CLTC: variants seen among roughly 807,000 people sequenced by gnomAD.
The protein encoded by CLTC is clathrin heavy chain 1.
CLTC carries 16 observed loss-of-function variants against 195.8 expected under a neutral mutation model. The ratio of observed to expected loss-of-function variants is 0.08; its 90% CI spans 0.06 to 0.12. CLTC has a LOEUF of 0.12. CLTC is among the 10% of genes least tolerant of loss of function. The pLI is 1.00. For synonymous variants in CLTC, 667 were observed against 689.4 expected, an observed-to-expected ratio of 0.97 and a Z score of 0.51; for missense variants, 796 against 2,027.0, an observed-to-expected ratio of 0.39 and a Z score of 11.66.
intron 30 of CLTC, among the ~76,000 whole-genome samples, chr17:59,687,487 G>GTTT (rs531755733): frequency 7.0e-6 from 1 of 141,978 alleles, no homozygotes. Flanking sequence ...GCTTTTTGGG[G>GTTT]TTTTTTTTTT....
At chr17:59,690,814 G>T in intron 31 of CLTC, 103 bp downstream of exon 31, 1 of 834,586 alleles carries the variant, frequency 1.2e-6, no homozygotes, top group Non-Finnish European at 1.9e-6. Flanking sequence ...AGTGCAAAAG[G>T]CTTTCTAAGA....
At position 59,682,374 on chromosome 17, in the gene CLTC, C is replaced by T; in HGVS notation, c.3546C>T (p.Arg1182=). Residue 1182 remains arginine, a synonymous_variant, in exon 22 of 32, where the codon CGC becomes CGT. Coordinates refer to ENST00000269122, the MANE Select transcript of CLTC (RefSeq NM_004859.4). This position sits in a 1 kb window ranked among gnomAD's most constrained non-coding sequence, Gnocchi z 6.8. The stretch of plus-strand genomic sequence containing the variant: ...TATTCGCACTGGCTAAAACAAACCG[C>T]CTTGCAGAGTTAGAAGAATTTATCA... ...ELIFALAKTN[R]LAELEEFING... The T allele has an allele frequency of 6.2e-7, 1 of 1,614,100 alleles. No individual in the cohort carries two copies. The highest frequency in any genetic ancestry group is 8.5e-7 in the Non-Finnish European group (1 of 1,179,974).
intron 14 of CLTC, among the ~76,000 whole-genome samples, chr17:59,670,707 A>T (rs191286826): frequency 3.1e-4 from 47 of 152,280 alleles, no homozygotes; most frequent in Admixed American, 5.2e-4. Context: ...CTATTATTTA[A>T]TTATCACATT....
intron 1 of CLTC, among the ~76,000 whole-genome samples, chr17:59,625,897 A>G (rs946665951): frequency 6.6e-6 from 1 of 152,208 alleles, no homozygotes; most frequent in African/African-American, 2.4e-5. Flanking sequence ...AAATGGGCAT[A>G]CTTATCTCAC....
In CLTC at chr17:59,620,039, C is replaced by G. The variant is rs891924744; in HGVS notation, c.-93C>G. 6.1e-6 allele frequency: 7 copies of G among 1,152,298 alleles called. No homozygotes were observed. Among genetic ancestry groups the G allele is most frequent in the African/African-American group, 4.6e-5 (3 of 65,922 alleles). The allele number at this position is 1,152,298 out of a possible 1,614,324, so 71.4% of individuals were successfully genotyped here. A position where few individuals can be genotyped will look rare whatever the true frequency, so the allele number is the denominator to read the frequency against. On this transcript the variant is annotated 5_prime_UTR_variant, in exon 1 of 32. Coordinates refer to ENST00000269122, the MANE Select transcript of CLTC (RefSeq NM_004859.4). ...AGGATCCTGCTGAGCCCAGCCTCCC[C>G]CCTCCCCTTCTCCTCCTCTCCCTTG...
chr17:59,633,247 T>C (rs2031772067), intron 1 of CLTC, among the ~76,000 whole-genome samples: 1 of 152,176 alleles, frequency 6.6e-6, no homozygotes, highest in Non-Finnish European at 1.5e-5. Context: ...TCCCAATACT[T>C]TGGGAGGCCA....
Position 59,661,463 on chromosome 17 carries a change from C to T in CLTC, c.1188C>T (p.Asp396=). The T allele has an allele frequency of 6.2e-7, 1 of 1,613,854 alleles. No individual in the cohort carries two copies. Among genetic ancestry groups the T allele is most frequent in the Non-Finnish European group, 8.5e-7 (1 of 1,179,842 alleles). The change falls in exon 8 of 32, where the codon GAC becomes GAT. Residue 396 remains aspartate, a synonymous_variant. Transcript: ENST00000269122. ...TAAAGGGAATTCTTCGTACTCCAGA[C>T]ACTATCCGTCGGTTCCAGAGTGTCC... The part of the protein sequence containing the change: ...NAPKGILRTP[D]TIRRFQSVPA...
At chr17:59,690,826 A>C in intron 31 of CLTC, 115 bp downstream of exon 31, 1 of 707,844 alleles carries the variant, frequency 1.4e-6, no homozygotes, top group Non-Finnish European at 2.3e-6. Flanking sequence ...TTTCTAAGAA[A>C]TACTGCTCTC....
Position 59,651,230 on chromosome 17 carries a change from C to T in CLTC, c.709C>T (p.Pro237Ser), listed in dbSNP as rs1255941506. 3 of 1,613,042 alleles carry T rather than the reference C, an allele frequency of 1.9e-6. No individual in the cohort carries two copies. The highest frequency in any genetic ancestry group is 2.5e-6 in the Non-Finnish European group (3 of 1,179,174). ...KLHIIEVGTP[P>S]TGNQPFPKKA... ...ACATATTATTGAAGTTGGCACACCA[C>T]CTACAGGGAACCAGCCCTTTCCAAA... Residue 237 changes from proline (P) to serine (S), a missense_variant, in exon 5 of 32, where the codon CCT (proline) becomes TCT (serine). Coordinates refer to ENST00000269122, the MANE Select transcript of CLTC (RefSeq NM_004859.4).
At chr17:59,635,442 C>T (rs1389065012) in intron 1 of CLTC, among the ~76,000 whole-genome samples, 2 of 152,164 alleles carry the variant, frequency 1.3e-5, no homozygotes. Context: ...CTTAACTAAT[C>T]AGATGTGAGA....
At position 59,681,367 on chromosome 17, in the gene CLTC, C is replaced by T. The variant is rs1453457981; in HGVS notation, c.3138C>T (p.Arg1046=). ...DRTRVMEYIN[R]LDNYDAPDIA... is the part of the protein sequence containing the mutation. ...CACGTGTTATGGAGTATATTAACCG[C>T]CTGGATAATTATGATGCCCCAGATA... Residue 1046 remains arginine, a synonymous_variant, in exon 20 of 32, where the codon CGC becomes CGT. Coordinates refer to ENST00000269122, the MANE Select transcript of CLTC (RefSeq NM_004859.4). This position sits in a 1 kb window ranked among gnomAD's most constrained non-coding sequence, Gnocchi z 5.0. The T allele has an allele frequency of 1.2e-6, 2 of 1,613,954 alleles. No homozygotes were observed. Among genetic ancestry groups the T allele is most frequent in the East Asian group, 2.2e-5 (1 of 44,874 alleles).
rs2033173753 is a variant in CLTC, at chr17:59,685,914, T to G, written c.4827+106T>G. On this transcript the variant is annotated intron_variant, in intron 30 of 31. Transcript: ENST00000269122. This position sits in a 1 kb window ranked among gnomAD's most constrained non-coding sequence, Gnocchi z 5.0. ...TTTTTCTTTAGTAGAAGTAAGTCAT[T>G]TAGTCGATCATAAAATATTCCTGTT... 1.2e-6 allele frequency: 1 copy of G among 862,508 alleles called. No individual in the cohort carries two copies. The highest frequency in any genetic ancestry group is 1.8e-6 in the Non-Finnish European group (1 of 568,928). The allele number at this position is 862,508 out of a possible 1,614,324, so 53.4% of individuals were successfully genotyped here. A position where few individuals can be genotyped will look rare whatever the true frequency, so the allele number is the denominator to read the frequency against.
At chr17:59,631,777 C>T (rs1346418946) in intron 1 of CLTC, among the ~76,000 whole-genome samples, 2 of 151,582 alleles carry the variant, frequency 1.3e-5, no homozygotes, top group African/African-American at 4.9e-5. Context: ...TCGAGACTAG[C>T]CTGGACAGCA....
intron 1 of CLTC, 74 bp downstream of exon 1, chr17:59,620,247 C>G: frequency 1.9e-6 from 3 of 1,544,984 alleles, no homozygotes; most frequent in Non-Finnish European, 1.8e-6. Context: ...GAGTCTGGGC[C>G]CGAGCAGTAT....
chr17:59,645,651 T>G (rs2032171701), intron 2 of CLTC, among the ~76,000 whole-genome samples: 1 of 152,210 alleles, frequency 6.6e-6, no homozygotes. Flanking sequence ...TTTCTTTACA[T>G]GATTTAAACT....
chr17:59,655,808 T>C, intron 5 of CLTC, 46 bp from the exon 6 acceptor site: 1 of 1,433,840 alleles, frequency 7.0e-7, no homozygotes, highest in South Asian at 1.5e-5. Flanking sequence ...TTATTTTCTG[T>C]TTGTAGATTC....
intron 8 of CLTC, among the ~76,000 whole-genome samples, chr17:59,662,170 TC>T (rs543937919): frequency 7.1e-4 from 108 of 152,284 alleles, no homozygotes; most frequent in Admixed American, 1.3e-3. Flanking sequence ...AGATACTGTT[TC>T]CCAGAGATTT....
At chr17:59,688,784 T>C (rs1239823807) in intron 30 of CLTC, among the ~76,000 whole-genome samples, 1 of 152,214 alleles carries the variant, frequency 6.6e-6, no homozygotes, top group East Asian at 1.9e-4. Context: ...ACATGTTCAC[T>C]TCAGATTCTT....
chr17:59,682,446 A>C lies in CLTC; in HGVS notation c.3600+18A>C, dbSNP rs1463640355. ...TCCAACAAGTGGGTTTCCTTTTCAG[A>C]TTTAAGAAAAACTAGTTGGGCTACT... On this transcript the variant is annotated intron_variant, in intron 22 of 31. Coordinates refer to ENST00000269122, the MANE Select transcript of CLTC (RefSeq NM_004859.4). The surrounding 1 kb of genome is among the most constrained non-coding windows in gnomAD (Gnocchi z 6.8). 1 of 1,613,430 alleles carries C rather than the reference A, an allele frequency of 6.2e-7. No homozygotes were observed. Among genetic ancestry groups the C allele is most frequent in the African/African-American group, 1.3e-5 (1 of 74,972 alleles).
Sources: gnomAD v4.1 joint callset for allele counts (sites outside exome capture counted in the v4.1 genomes callset) on GRCh38, gnomAD v4.1.1 for gene constraint, Gnocchi (gnomAD v3.1) non-coding constraint, MANE v1.5 for transcripts, NCBI Gene and HGNC (gene_info 2026-07-23, HGNC 2026-07-21) for gene names.